ERBB4: variants seen among roughly 807,000 people sequenced by gnomAD.
ERBB4 encodes receptor tyrosine-protein kinase erbB-4.
In ERBB4, 42 loss-of-function variants were observed where a neutral mutation model predicts 158.0. The observed-to-expected ratio is 0.27, with a 90% confidence interval of 0.21 to 0.34. The LOEUF is 0.34. Ranked by LOEUF, ERBB4 falls within the 10% of genes least tolerant of loss-of-function variation. ERBB4 has a pLI of 1.00. For synonymous variants in ERBB4, 583 were observed against 558.7 expected (o/e 1.04, Z -0.61); for missense variants, 1,333 against 1,624.1 (o/e 0.82, Z 3.08).
intron 1 of ERBB4, among the ~76,000 whole-genome samples, chr2:212,352,255 C>T (rs1356990725): frequency 1.3e-5 from 2 of 150,106 alleles, no homozygotes; most frequent in African/African-American, 2.5e-5. Flanking sequence ...ATCTGTACAT[C>T]AACATCCCAG....
At chr2:212,253,891 C>G (rs1394916881) in intron 1 of ERBB4, among the ~76,000 whole-genome samples, 1 of 152,066 alleles carries the variant, frequency 6.6e-6, no homozygotes, top group Non-Finnish European at 1.5e-5. Flanking sequence ...TCTGGTATAA[C>G]CTATCACTCC....
intron 2 of ERBB4, among the ~76,000 whole-genome samples, chr2:212,007,463 C>T (rs73988935): frequency 1.3e-5 from 2 of 151,634 alleles, no homozygotes; most frequent in Admixed American, 6.6e-5. Context: ...AATATAATTA[C>T]ATATGAAAGG....
chr2:211,564,937 T>C (rs1435249874), intron 19 of ERBB4, among the ~76,000 whole-genome samples: 3 of 152,156 alleles, frequency 2.0e-5, no homozygotes, highest in Admixed American at 6.5e-5. Flanking sequence ...AAGGTCAAAT[T>C]AGTGATAGAT....
intron 1 of ERBB4, among the ~76,000 whole-genome samples, chr2:212,264,846 AC>A (rs1351818266): frequency 6.6e-6 from 1 of 152,158 alleles, no homozygotes; most frequent in Non-Finnish European, 1.5e-5. Context: ...TGAATGAACA[AC>A]AAAATGCTGT....
chr2:211,662,615 C>G (rs1229543047), intron 15 of ERBB4, among the ~76,000 whole-genome samples: 4 of 152,078 alleles, frequency 2.6e-5, no homozygotes, highest in Non-Finnish European at 5.9e-5. Context: ...TAAAAATTAT[C>G]TAGTCAAGGT....
At chr2:211,934,325 T>G (rs1214789900) in intron 3 of ERBB4, among the ~76,000 whole-genome samples, 1 of 152,030 alleles carries the variant, frequency 6.6e-6, no homozygotes, top group Admixed American at 6.6e-5. Flanking sequence ...AAATGGTATA[T>G]ATTTATACCA....
intron 4 of ERBB4, among the ~76,000 whole-genome samples, chr2:211,755,709 G>C (rs1285000728): frequency 6.6e-6 from 1 of 152,166 alleles, no homozygotes. Flanking sequence ...GTAGGAACTA[G>C]AGTCCATGAA....
intron 1 of ERBB4, among the ~76,000 whole-genome samples, chr2:212,486,830 C>T (rs1276521208): frequency 1.3e-5 from 2 of 152,072 alleles, no homozygotes; most frequent in African/African-American, 2.4e-5. Context: ...AACACTACTG[C>T]TTTAAAGTAC....
intron 1 of ERBB4, among the ~76,000 whole-genome samples, chr2:212,244,292 C>G (rs2084230363): frequency 6.6e-6 from 1 of 151,984 alleles, no homozygotes; most frequent in Non-Finnish European, 1.5e-5. Flanking sequence ...CCCTGACTTC[C>G]AAAGGCAACA....
At chr2:212,250,980 A>C (rs149021551) in intron 1 of ERBB4, among the ~76,000 whole-genome samples, 1 of 151,994 alleles carries the variant, frequency 6.6e-6, no homozygotes, top group Non-Finnish European at 1.5e-5. Flanking sequence ...AACAAGGGGA[A>C]GTTTTAAAAC....
intron 25 of ERBB4, among the ~76,000 whole-genome samples, chr2:211,392,558 C>CCGCACACACACACACA (rs767854845): frequency 4.3e-5 from 6 of 140,918 alleles, no homozygotes; most frequent in East Asian, 2.1e-4. Context: ...CTCTCTTACT[C>CCGCACACACACACACA]CACACACACA....
At chr2:211,596,109 T>C (rs186385090) in intron 19 of ERBB4, among the ~76,000 whole-genome samples, 2 of 152,246 alleles carry the variant, frequency 1.3e-5, no homozygotes, top group African/African-American at 4.8e-5. Context: ...AATGTTTCAA[T>C]ACTGTAAAGT....
At position 212,399,580 on chromosome 2, in the gene ERBB4, A is replaced by ATG. The variant is rs1398249376; in HGVS notation, c.82+138868_82+138869insCA. Among the ~76,000 whole-genome samples the ATG allele has an allele frequency of 3.0e-5, 3 of 101,610 alleles. No individual in the cohort carries two copies. The East Asian group carries it at 7.3e-4, about 25-fold the overall frequency. The allele number at this position is 101,610 out of a possible 152,430, so 66.7% of individuals were successfully genotyped here. Reference sequence around the variant, plus strand: ...TATATATATATATATATATATATATATATATTGGGCGTGGTGTCTTATGCC... The same window carrying ATG: ...TATATATATATATATATATATATATATGTATATTGGGCGTGGTGTCTTATGCC... On this transcript the variant is annotated intron_variant, in intron 1 of 27. Transcript: ENST00000342788.
intron 5 of ERBB4, among the ~76,000 whole-genome samples, chr2:211,746,528 A>G (rs1167269519): frequency 3.9e-5 from 6 of 151,902 alleles, no homozygotes; most frequent in Non-Finnish European, 8.8e-5. Flanking sequence ...TTTGGTAGCA[A>G]GTGAGAAAAC....
At chr2:211,690,504 G>A (rs555098413) in intron 12 of ERBB4, among the ~76,000 whole-genome samples, 5 of 152,138 alleles carry the variant, frequency 3.3e-5, no homozygotes, top group South Asian at 2.1e-4. Flanking sequence ...GAGCAGTTTC[G>A]GGTCAGGGAA....
At chr2:212,022,673 A>G (rs1456886626) in intron 2 of ERBB4, among the ~76,000 whole-genome samples, 1 of 152,118 alleles carries the variant, frequency 6.6e-6, no homozygotes, top group East Asian at 1.9e-4. Context: ...CTGCACGTGT[A>G]CCCCAGAACT....
intron 1 of ERBB4, among the ~76,000 whole-genome samples, chr2:212,532,411 A>G (rs1277553574): frequency 3.9e-5 from 6 of 152,246 alleles, no homozygotes; most frequent in African/African-American, 1.4e-4. Flanking sequence ...CTGTTTTAGA[A>G]ACTAGGGCTA....
At chr2:212,065,712 C>A (rs112003615) in intron 2 of ERBB4, among the ~76,000 whole-genome samples, 14 of 152,068 alleles carry the variant, frequency 9.2e-5, no homozygotes, top group African/African-American at 3.1e-4. Context: ...TCATTAAGAT[C>A]CCTCTGGGAT....
rs373873977 is a variant in ERBB4 at position 212,489,173 on chromosome 2, T to G, written c.82+49276A>C. On this transcript the variant is annotated intron_variant, in intron 1 of 27. Coordinates refer to ENST00000342788, the MANE Select transcript of ERBB4 (RefSeq NM_005235.3). ...AAGACAGAATTGGCACAAATGACCTTTTCCCCTTATATCCCACACGTAGAT... is the reference window on the plus strand; with the variant it reads ...AAGACAGAATTGGCACAAATGACCTGTTCCCCTTATATCCCACACGTAGAT... Among the ~76,000 whole-genome samples, 3 of 151,950 alleles carry G rather than the reference T, an allele frequency of 2.0e-5. No individual in the cohort carries two copies. The East Asian group carries it at 5.8e-4, about 29-fold the overall frequency.
Sources: gnomAD v4.1 joint callset for allele counts (sites outside exome capture counted in the v4.1 genomes callset) on GRCh38, gnomAD v4.1.1 for gene constraint, MANE v1.5 for transcripts, NCBI Gene and HGNC (gene_info 2026-07-23, HGNC 2026-07-21) for gene names.